The following MAP3K7 variants were observed in gnomAD, a reference collection of about 807,000 sequenced individuals.
MAP3K7 encodes mitogen-activated protein kinase kinase kinase 7, also known as TGF-beta activated kinase 1.
MAP3K7 carries 21 observed loss-of-function variants against 84.8 expected under a neutral mutation model. That is an observed-to-expected ratio of 0.25 (90% CI 0.18 to 0.36). The LOEUF is 0.36. Ranked by LOEUF, MAP3K7 falls within the 10% of genes least tolerant of loss-of-function variation. MAP3K7 has a pLI of 1.00. For synonymous variants in MAP3K7, 241 were observed against 247.7 expected, an observed-to-expected ratio of 0.97 and a Z score of 0.25; for missense variants, 503 against 747.7, an observed-to-expected ratio of 0.67 and a Z score of 3.82.
intron 13 of MAP3K7, among the ~76,000 whole-genome samples, chr6:90,525,639 C>T (rs1775297694): frequency 6.6e-6 from 1 of 152,030 alleles, no homozygotes; most frequent in South Asian, 2.1e-4. Context: ...ACCATCATGG[C>T]TCACTGTACC....
At position 90,516,629 on chromosome 6, in the gene MAP3K7, A is replaced by G. The variant is rs1358908852; in HGVS notation, c.1693T>C (p.Ser565Pro). Reference sequence around the variant, plus strand: ...TTTTTATGTTCCTGTACCAGGCGAGATGTATTTTGCTGGTCCTTTTCATCC... The same window carrying G: ...TTTTTATGTTCCTGTACCAGGCGAGGTGTATTTTGCTGGTCCTTTTCATCC... ...DQDEKDQQNT[S>P]RLVQEHKKLL... Residue 565 changes from serine (S) to proline (P), a missense_variant, in exon 17 of 17, where the codon TCT becomes CCT. Coordinates refer to ENST00000369329, the MANE Select transcript of MAP3K7 (RefSeq NM_145331.3). The G allele has an allele frequency of 5.6e-6, 9 of 1,611,474 alleles. No individual in the cohort carries two copies. Among genetic ancestry groups the G allele is most frequent in the Non-Finnish European group, 7.6e-6 (9 of 1,178,852 alleles).
At chr6:90,529,398 T>G (rs1775426779) in intron 13 of MAP3K7, among the ~76,000 whole-genome samples, 1 of 152,226 alleles carries the variant, frequency 6.6e-6, no homozygotes, top group Non-Finnish European at 1.5e-5. Flanking sequence ...CCTGGGGTTA[T>G]GTCTCCATTC....
In MAP3K7 at chr6:90,515,614, T is replaced by C. The variant is rs1774933011; in HGVS notation, c.*887A>G. The C allele has an allele frequency of 6.6e-6, 1 of 151,728 alleles. No homozygotes were observed. The highest frequency in any genetic ancestry group is 2.1e-4 in the South Asian group (1 of 4,832). 9.4% of individuals were successfully genotyped at this position (151,728 alleles called of 1,614,324 possible). A position where few individuals can be genotyped will look rare whatever the true frequency, so the allele number is the denominator to read the frequency against. ...GTAATTACTTCCATTTTCCATTATT[T>C]TTCTTCATTTTTTTTTTTTCAAATA... On this transcript the variant is annotated 3_prime_UTR_variant, in exon 17 of 17. Transcript: ENST00000369329.
At chr6:90,576,015 A>T (rs965114515) in intron 1 of MAP3K7, among the ~76,000 whole-genome samples, 3 of 152,144 alleles carry the variant, frequency 2.0e-5, no homozygotes, top group Non-Finnish European at 4.4e-5. Flanking sequence ...AGTAAGAAAA[A>T]AATCAGACTT....
intron 3 of MAP3K7, among the ~76,000 whole-genome samples, chr6:90,567,304 A>C (rs1275431383): frequency 6.6e-6 from 1 of 152,234 alleles, no homozygotes; most frequent in Non-Finnish European, 1.5e-5. Flanking sequence ...AAATTTTTGC[A>C]ATCTACGCAT....
chr6:90,526,551 AAG>A (rs1312698023), intron 13 of MAP3K7, among the ~76,000 whole-genome samples: 1 of 152,088 alleles, frequency 6.6e-6, no homozygotes, highest in East Asian at 1.9e-4. Flanking sequence ...ATGTGACTAT[AAG>A]AGCATTTAAA....
intron 1 of MAP3K7, among the ~76,000 whole-genome samples, chr6:90,573,395 T>C (rs1199486265): frequency 6.6e-6 from 1 of 152,000 alleles, no homozygotes; most frequent in Admixed American, 6.6e-5. Context: ...GAGGGCACTT[T>C]GGAGATCAAA....
In MAP3K7 at chr6:90,582,277, C is replaced by T. The variant is rs561009463; in HGVS notation, c.120+4487G>A. Reference sequence around the variant, plus strand: ...GCCTTAGCCAAATCGCATAACTCAGCTCCTATTTTATCACATGTAATATAA... The same window carrying T: ...GCCTTAGCCAAATCGCATAACTCAGTTCCTATTTTATCACATGTAATATAA... On this transcript the variant is annotated intron_variant, in intron 1 of 16. Transcript: ENST00000369329. 3.9e-5 allele frequency among the ~76,000 whole-genome samples: 6 copies of T among 152,304 alleles called. No individual in the cohort carries two copies. The East Asian group carries it at 1.2e-3, about 29-fold the overall frequency.
At chr6:90,542,061 T>C (rs1029650652) in intron 12 of MAP3K7, 1 of 168,414 alleles carries the variant, frequency 5.9e-6, no homozygotes, top group Non-Finnish European at 1.2e-5. Context: ...AGTTTGAATA[T>C]ATCAAGAAGT....
chr6:90,529,261 C>CATG (rs1478468553), intron 13 of MAP3K7, among the ~76,000 whole-genome samples: 1 of 152,120 alleles, frequency 6.6e-6, no homozygotes, highest in Non-Finnish European at 1.5e-5. Flanking sequence ...TAATCCTGAC[C>CATG]TCATATTCAC....
intron 8 of MAP3K7, 113 bp from the exon 9 acceptor site, chr6:90,550,662 T>A (rs1776152616): frequency 4.9e-6 from 3 of 615,588 alleles, no homozygotes; most frequent in Admixed American, 6.4e-5. Flanking sequence ...CCTAAGTTTT[T>A]TATTTTACAA....
At chr6:90,544,401 A>G in intron 12 of MAP3K7, 151 bp downstream of exon 12, 1 of 642,794 alleles carries the variant, frequency 1.6e-6, no homozygotes, top group South Asian at 1.8e-5. Flanking sequence ...TTCAGAATAA[A>G]TGTAGTTTTT....
intron 12 of MAP3K7, among the ~76,000 whole-genome samples, chr6:90,539,144 T>A (rs1775773398): frequency 6.6e-6 from 1 of 151,938 alleles, no homozygotes; most frequent in African/African-American, 2.4e-5. Context: ...TAATTTAGGC[T>A]GCCAAAGTTT....
At chr6:90,551,904 T>G (rs963944065) in intron 8 of MAP3K7, 145 bp downstream of exon 8, 1 of 816,302 alleles carries the variant, frequency 1.2e-6, no homozygotes, top group Admixed American at 2.8e-5. Flanking sequence ...CTTCTGACTA[T>G]GAGTAATAAA....
chr6:90,556,363 T>C, intron 6 of MAP3K7, 137 bp downstream of exon 6: 1 of 825,794 alleles, frequency 1.2e-6, no homozygotes, highest in Non-Finnish European at 1.8e-6. Flanking sequence ...CTATATTTAA[T>C]ATCCCCTTAG....
At position 90,568,844 on chromosome 6, in the gene MAP3K7, A is replaced by T. The variant is rs531770180; in HGVS notation, c.232-221T>A. Among the ~76,000 whole-genome samples, 7 of 152,304 alleles carry T rather than the reference A, an allele frequency of 4.6e-5. 1 individual carries two copies. The South Asian group carries it at 1.5e-3, about 32-fold the overall frequency. ...TCTCCAGCTCATACAGTTTAGCTGG[A>T]GAGATAGACATCTAAACAAATAATT... is the stretch of plus-strand genomic sequence containing the variant. On this transcript the variant is annotated intron_variant, in intron 2 of 16. Coordinates refer to ENST00000369329, the MANE Select transcript of MAP3K7 (RefSeq NM_145331.3).
chr6:90,556,155 A>T (rs558225345), intron 6 of MAP3K7, among the ~76,000 whole-genome samples: 22 of 152,246 alleles, frequency 1.4e-4, no homozygotes, highest in Non-Finnish European at 3.2e-4. Context: ...CAGCGCATGC[A>T]CACTGTCTGC....
chr6:90,561,232 T>G (rs1384126151), intron 4 of MAP3K7, among the ~76,000 whole-genome samples: 2 of 152,052 alleles, frequency 1.3e-5, no homozygotes, highest in African/African-American at 4.8e-5. Flanking sequence ...TTTTCACATT[T>G]TTTTTTGAAA....
chr6:90,560,576 G>A (rs1194827614), intron 4 of MAP3K7, among the ~76,000 whole-genome samples: 2 of 152,126 alleles, frequency 1.3e-5, no homozygotes, highest in African/African-American at 2.4e-5. Context: ...TGGCCAGGAT[G>A]GTCTTGATCT....
Sources: gnomAD v4.1 joint callset for allele counts (sites outside exome capture counted in the v4.1 genomes callset) on GRCh38, gnomAD v4.1.1 for gene constraint, MANE v1.5 for transcripts, NCBI Gene and HGNC (gene_info 2026-07-23, HGNC 2026-07-21) for gene names.